Variants in SCN9A observed in about 807,000 individuals in gnomAD.
SCN9A encodes sodium voltage-gated channel alpha subunit 9, also known as sodium channel protein type 9 subunit alpha.
A neutral mutation model predicts 187.0 loss-of-function variants in SCN9A; 131 were observed. The observed-to-expected ratio is 0.70, with a 90% confidence interval of 0.61 to 0.81. The LOEUF (loss-of-function observed/expected upper bound fraction) is 0.81. Ranked by LOEUF, SCN9A falls within the 30% of genes least tolerant of loss-of-function variation. SCN9A has a pLI of 0.00. For missense variants in SCN9A, 2,252 were observed against 2,396.6 expected (o/e 0.94, Z 1.26); for synonymous variants, 809 against 808.6 (o/e 1.00, Z -0.01).
chr2:166,266,189 G>A (rs1696730133), intron 17 of SCN9A, among the ~76,000 whole-genome samples: 1 of 151,618 alleles, frequency 6.6e-6, no homozygotes, highest in East Asian at 1.9e-4. Flanking sequence ...TCTAATAGTT[G>A]TGTAGTTTTC....
intron 17 of SCN9A, among the ~76,000 whole-genome samples, chr2:166,256,065 A>G (rs1453686895): frequency 1.3e-5 from 2 of 151,426 alleles, no homozygotes; most frequent in Non-Finnish European, 3.0e-5. Context: ...TAAGAGTCCA[A>G]TATTTTCCAA....
At chr2:166,265,975 T>G (rs1430821758) in intron 17 of SCN9A, among the ~76,000 whole-genome samples, 1 of 152,054 alleles carries the variant, frequency 6.6e-6, no homozygotes, top group Non-Finnish European at 1.5e-5. Context: ...CATTATCAGA[T>G]GCATAGTTTA....
intron 1 of SCN9A, among the ~76,000 whole-genome samples, chr2:166,365,870 C>T (rs1700402603): frequency 6.6e-6 from 1 of 152,130 alleles, no homozygotes; most frequent in Non-Finnish European, 1.5e-5. Flanking sequence ...GTCACATCTC[C>T]ATGTGTTGTT....
intron 20 of SCN9A, among the ~76,000 whole-genome samples, chr2:166,235,055 C>T (rs531046077): frequency 1.1e-4 from 17 of 152,260 alleles, no homozygotes; most frequent in South Asian, 8.3e-4. Flanking sequence ...AGAAAGTTCC[C>T]ACCAGATGTG....
intron 17 of SCN9A, among the ~76,000 whole-genome samples, chr2:166,266,281 T>A (rs906177630): frequency 6.6e-6 from 1 of 151,964 alleles, no homozygotes; most frequent in Non-Finnish European, 1.5e-5. Context: ...CTTTTGCATG[T>A]GGCTATTCAG....
chr2:166,314,202 G>A (rs1473005126), intron 1 of SCN9A, among the ~76,000 whole-genome samples: 4 of 152,148 alleles, frequency 2.6e-5, no homozygotes, highest in Admixed American at 6.5e-5. Flanking sequence ...ACATGCTGTT[G>A]AAAAAATTAC....
intron 26 of SCN9A, 47 bp from the exon 27 acceptor site, chr2:166,199,911 G>C: frequency 1.4e-6 from 2 of 1,380,292 alleles, no homozygotes; most frequent in Non-Finnish European, 2.0e-6. Flanking sequence ...AAAGATGTAT[G>C]CTACCTGAAA....
At chr2:166,247,157 C>CAAAAAAA (rs35833662) in intron 18 of SCN9A, among the ~76,000 whole-genome samples, 11 of 41,744 alleles carry the variant, frequency 2.6e-4, no homozygotes, top group East Asian at 8.3e-4. Context: ...CCAAAGCTCT[C>CAAAAAAA]AAAAAAAAAA....
chr2:166,322,370 T>G lies in SCN9A; in HGVS notation c.-50-10564A>C, dbSNP rs1017642834. Reference sequence around the variant, plus strand: ...CACACTGGTTTCAGTGGCTCACAGGTCAATAATCATCTTGGCCTTTCCCAT... The same window carrying G: ...CACACTGGTTTCAGTGGCTCACAGGGCAATAATCATCTTGGCCTTTCCCAT... On this transcript the variant is annotated intron_variant, in intron 1 of 26. Transcript: ENST00000642356. 5.3e-5 allele frequency among the ~76,000 whole-genome samples: 8 copies of G among 152,118 alleles called. 1 individual carries two copies. The highest frequency in any genetic ancestry group is 5.2e-4 in the Admixed American group (8 of 15,268).
chr2:166,325,017 A>G (rs11898284), intron 1 of SCN9A, among the ~76,000 whole-genome samples: 22,711 of 152,178 alleles, frequency 0.15, 1,730 homozygotes, highest in Admixed American at 0.18. Flanking sequence ...CAAATGCGCC[A>G]TACTAATATA....
At chr2:166,325,072 T>A (rs2105253225) in intron 1 of SCN9A, among the ~76,000 whole-genome samples, 2 of 152,284 alleles carry the variant, frequency 1.3e-5, no homozygotes, top group East Asian at 3.9e-4. Context: ...ATATTGAAAC[T>A]GTCCTTACTA....
At chr2:166,249,650 A>G (rs1352156126) in intron 18 of SCN9A, among the ~76,000 whole-genome samples, 2 of 152,118 alleles carry the variant, frequency 1.3e-5, no homozygotes, top group African/African-American at 4.8e-5. Flanking sequence ...GCAATGAATA[A>G]TCTCAGAGTA....
chr2:166,207,011 T>G (rs1693838234), intron 24 of SCN9A, among the ~76,000 whole-genome samples: 1 of 152,182 alleles, frequency 6.6e-6, no homozygotes, highest in South Asian at 2.1e-4. Flanking sequence ...AATGAGGTTT[T>G]TGACTGGAAA....
At chr2:166,253,687 C>T (rs1379986712) in intron 17 of SCN9A, among the ~76,000 whole-genome samples, 4 of 151,602 alleles carry the variant, frequency 2.6e-5, no homozygotes, top group Non-Finnish European at 4.4e-5. Context: ...CTCGGCTGCA[C>T]GTGAACTATC....
Position 166,263,238 on chromosome 2 carries a change from T to TTC in SCN9A, c.3351+9159_3351+9160dup, listed in dbSNP as rs1472405024. On this transcript the variant is annotated intron_variant, in intron 17 of 26. Coordinates refer to ENST00000642356, the MANE Select transcript of SCN9A (RefSeq NM_001365536.1). The stretch of plus-strand genomic sequence containing the variant: ...TCTGTTGCAATTTTAACAGTTCAAC[T>TTC]TCTCTCTCTGCCCAATAATTTTGCA... Among the ~76,000 whole-genome samples the TTC allele has an allele frequency of 2.6e-5, 4 of 152,086 alleles. No individual in the cohort carries two copies. In the East Asian group the frequency reaches 7.8e-4, roughly 30 times the overall value.
Position 166,238,132 on chromosome 2 carries a change from T to C in SCN9A, c.3763A>G (p.Thr1255Ala). ...AAATCCAGCCAACACCAGGCATTGG[T>C]GAAATATGTTTTATAACCATATGCT... is the stretch of plus-strand genomic sequence containing the variant. ...WIAYGYKTYF[T>A]NAWCWLDFLI... The change falls in exon 20 of 27, where the codon ACC becomes GCC. Residue 1255 changes from threonine (T) to alanine (A), a missense_variant. Physicochemically the swap from Thr to Ala is moderately conservative, Grantham distance 58 (BLOSUM62 0). Around this residue, in one of 7 missense-constraint regions of SCN9A, gnomAD observed 10 missense variants for 27.8 expected, o/e 0.36. Coordinates refer to ENST00000642356, the MANE Select transcript of SCN9A (RefSeq NM_001365536.1). 1 of 1,611,628 alleles carries C rather than the reference T, an allele frequency of 6.2e-7. No individual in the cohort carries two copies. The highest frequency in any genetic ancestry group is 8.5e-7 in the Non-Finnish European group (1 of 1,178,752).
chr2:166,270,944 C>G (rs12619240), intron 17 of SCN9A, among the ~76,000 whole-genome samples: 34,496 of 151,588 alleles, frequency 0.23, 4,484 homozygotes, highest in East Asian at 0.45. Flanking sequence ...TAAATGATGC[C>G]TTAAGACTTG....
At chr2:166,231,720 T>C (rs1267733141) in intron 21 of SCN9A, among the ~76,000 whole-genome samples, 2 of 151,694 alleles carry the variant, frequency 1.3e-5, no homozygotes, top group African/African-American at 4.8e-5. Flanking sequence ...CCCGGGTAAT[T>C]TTTTGCATTT....
In SCN9A at chr2:166,281,726, C is replaced by G. The variant is rs1161076584; in HGVS notation, c.2057G>C (p.Arg686Thr). The G allele has an allele frequency of 6.2e-7, 1 of 1,613,204 alleles. No individual in the cohort carries two copies. The highest frequency in any genetic ancestry group is 1.3e-5 in the African/African-American group (1 of 74,880). Residue 686 changes from arginine (R) to threonine (T), a missense_variant, in exon 13 of 27, where the codon AGA becomes ACA. Arg to Thr is a moderately conservative substitution (Grantham distance 71, BLOSUM62 -1). Transcript: ENST00000642356. ...SEDMLNDPNL[R>T]QRAMSRASIL... ...GCTTGCTCTACTCATTGCTCTCTGTCTGAGGTTGGGATCATTCAGCATATC... is the reference window on the plus strand; with the variant it reads ...GCTTGCTCTACTCATTGCTCTCTGTGTGAGGTTGGGATCATTCAGCATATC...
Sources: allele counts gnomAD v4.1 joint callset (sites outside exome capture counted in the v4.1 genomes callset), GRCh38; gene constraint gnomAD v4.1.1; regional missense constraint gnomAD v4.1.1; transcripts MANE v1.5; gene names NCBI Gene and HGNC (gene_info 2026-07-23, HGNC 2026-07-21).